BTRC: variants seen among roughly 807,000 people sequenced by gnomAD.
The protein encoded by BTRC is beta-transducin repeat containing E3 ubiquitin protein ligase.
Under a neutral mutation model 85.5 loss-of-function variants are expected in BTRC, and 42 were observed. The ratio of observed to expected loss-of-function variants is 0.49; its 90% confidence interval spans 0.38 to 0.64. The LOEUF (loss-of-function observed/expected upper bound fraction) is 0.64, where lower values mean the gene tolerates loss of function less well. Ranked by LOEUF, BTRC falls within the 30% of genes least tolerant of loss-of-function variation. The pLI is 0.00. For missense variants in BTRC, 594 were observed against 743.5 expected (o/e 0.80, Z 2.34); for synonymous variants, 255 against 263.3 (o/e 0.97, Z 0.30).
chr10:101,525,949 T>G, intron 5 of BTRC, 64 bp from the exon 6 acceptor site: 1 of 1,505,364 alleles, frequency 6.6e-7, no homozygotes, highest in Non-Finnish European at 9.1e-7. Context: ...TTAAAGGACC[T>G]TTTGTAAAAA....
chr10:101,548,569 C>T (rs770745722), intron 13 of BTRC, among the ~76,000 whole-genome samples: 2 of 151,820 alleles, frequency 1.3e-5, no homozygotes, highest in African/African-American at 2.4e-5. Context: ...CTGGGCAACA[C>T]GGTGGAATCC....
intron 14 of BTRC, 116 bp downstream of exon 14, chr10:101,551,007 C>A: frequency 1.1e-6 from 1 of 947,386 alleles, no homozygotes; most frequent in Non-Finnish European, 1.5e-6. Flanking sequence ...TCCTGTAAAG[C>A]CGAGGAAGCA....
intron 1 of BTRC, among the ~76,000 whole-genome samples, chr10:101,413,183 G>A (rs1015508682): frequency 4.6e-5 from 7 of 152,172 alleles, no homozygotes; most frequent in African/African-American, 1.7e-4. Context: ...AGAGTGCAGT[G>A]GTGCAATCTC....
At chr10:101,421,047 G>T (rs1166272469) in intron 1 of BTRC, among the ~76,000 whole-genome samples, 2 of 148,886 alleles carry the variant, frequency 1.3e-5, no homozygotes, top group African/African-American at 2.5e-5. Context: ...TCTGAACTTG[G>T]TTACTCCCTG....
chr10:101,387,442 T>C (rs1419591198), intron 1 of BTRC, among the ~76,000 whole-genome samples: 12 of 151,364 alleles, frequency 7.9e-5, no homozygotes, highest in Admixed American at 7.9e-4. Flanking sequence ...CTCACACTGC[T>C]TTATAATACA....
intron 2 of BTRC, among the ~76,000 whole-genome samples, chr10:101,459,307 G>A (rs1945160994): frequency 6.6e-6 from 1 of 152,124 alleles, no homozygotes; most frequent in Non-Finnish European, 1.5e-5. Context: ...AACTGTTGAG[G>A]TGACTACTTA....
intron 4 of BTRC, among the ~76,000 whole-genome samples, chr10:101,488,149 ATCACTCC>A (rs1227630793): frequency 6.6e-6 from 1 of 152,126 alleles, no homozygotes; most frequent in Non-Finnish European, 1.5e-5. Context: ...CTCTCTCCTC[ATCACTCC>A]AATTTAGAGT....
chr10:101,520,268 T>C (rs1204889266), intron 4 of BTRC, among the ~76,000 whole-genome samples: 2 of 151,926 alleles, frequency 1.3e-5, no homozygotes, highest in Admixed American at 1.3e-4. Flanking sequence ...CTCAGCCTCC[T>C]GAGTAGCTGG....
At chr10:101,496,006 G>GT (rs925901039) in intron 4 of BTRC, among the ~76,000 whole-genome samples, 1 of 40,424 alleles carries the variant, frequency 2.5e-5, no homozygotes. Context: ...GAATCATATA[G>GT]TATTTTTTTT....
intron 2 of BTRC, among the ~76,000 whole-genome samples, chr10:101,439,463 A>G (rs1443695856): frequency 3.9e-5 from 6 of 152,238 alleles, no homozygotes; most frequent in African/African-American, 1.4e-4. Context: ...AGAGACTGAC[A>G]TACTATGAAG....
chr10:101,522,105 TCACTGCAA>T (rs1166885497), intron 5 of BTRC, among the ~76,000 whole-genome samples: 5 of 126,940 alleles, frequency 3.9e-5, no homozygotes, highest in African/African-American at 5.8e-5. Context: ...TGATCTCAGC[TCACTGCAA>T]CACTGCAAGC....
intron 2 of BTRC, among the ~76,000 whole-genome samples, chr10:101,440,380 A>T (rs916201974): frequency 6.6e-6 from 1 of 152,142 alleles, no homozygotes; most frequent in African/African-American, 2.4e-5. Context: ...CTGAGAATGA[A>T]TGGCCTTTTG....
chr10:101,552,132 C>A (rs181172665), intron 14 of BTRC, among the ~76,000 whole-genome samples: 126 of 151,986 alleles, frequency 8.3e-4, no homozygotes, highest in Non-Finnish European at 6.5e-4. Context: ...TCCCAAGAGT[C>A]TGTTTCTGGC....
chr10:101,402,199 G>A (rs987826984), intron 1 of BTRC, among the ~76,000 whole-genome samples: 2 of 152,050 alleles, frequency 1.3e-5, no homozygotes, highest in African/African-American at 4.8e-5. Context: ...TATGTGAGGA[G>A]GTTATGTTTT....
chr10:101,466,943 G>A (rs909564855), intron 3 of BTRC, among the ~76,000 whole-genome samples: 1 of 152,148 alleles, frequency 6.6e-6, no homozygotes, highest in Non-Finnish European at 1.5e-5. Context: ...TATAAGCATG[G>A]AAGTCTGATG....
intron 3 of BTRC, among the ~76,000 whole-genome samples, chr10:101,473,465 CTTTTTTTTTTTTTT>C (rs869163139): frequency 1.0e-5 from 1 of 96,772 alleles, no homozygotes; most frequent in African/African-American, 4.4e-5. Context: ...TCTTTTTTCT[CTTTTTTTTTTTTTT>C]TTTTTTTTTG....
rs546910646 is a variant in BTRC, at chr10:101,510,966, T to G, written c.325-10673T>G. Among the ~76,000 whole-genome samples the G allele has an allele frequency of 3.3e-5, 5 of 152,320 alleles. No homozygotes were observed. The South Asian group carries it at 1.0e-3, about 32-fold the overall frequency. ...ATCTTTCTTCCTCTGCTTTTGCAAC[T>G]TGCTCTTATTATCCCCTCCCCACCT... is the stretch of plus-strand genomic sequence containing the variant. On this transcript the variant is annotated intron_variant, in intron 4 of 14. Coordinates refer to ENST00000370187, the MANE Select transcript of BTRC (RefSeq NM_033637.4).
chr10:101,473,537 C>G (rs1050442786), intron 3 of BTRC, among the ~76,000 whole-genome samples: 1 of 130,136 alleles, frequency 7.7e-6, no homozygotes, highest in Non-Finnish European at 1.5e-5. Context: ...GTGGTGCAAT[C>G]TCAGCTTACT....
At position 101,534,534 on chromosome 10, in the gene BTRC, C is replaced by G. The variant is rs78475006; in HGVS notation, c.1098-127C>G. On this transcript the variant is annotated intron_variant, in intron 9 of 14. Coordinates refer to ENST00000370187, the MANE Select transcript of BTRC (RefSeq NM_033637.4). ...GGACACACTGGCAGCATCCCATCCC[C>G]TTCCTTCTCCCACTCTCCCAGTCTG... 895 of 1,259,432 alleles carry G rather than the reference C, an allele frequency of 7.1e-4. 8 individuals carry two copies. In the African/African-American group the frequency reaches 0.012, roughly 17 times the overall value. 78.0% of individuals were successfully genotyped at this position (1,259,432 alleles called of 1,614,324 possible).
Sources: gnomAD v4.1 joint callset for allele counts (sites outside exome capture counted in the v4.1 genomes callset) on GRCh38, gnomAD v4.1.1 for gene constraint, MANE v1.5 for transcripts, NCBI Gene and HGNC (gene_info 2026-07-23, HGNC 2026-07-21) for gene names.